MYO1H: variants seen among roughly 807,000 people sequenced by gnomAD.
The protein encoded by MYO1H is unconventional myosin-Ih.
A neutral mutation model predicts 149.3 loss-of-function variants in MYO1H; 118 were observed. That is an observed-to-expected ratio of 0.79 (90% CI 0.68 to 0.92). The LOEUF is 0.92. Ranked by LOEUF, MYO1H falls within the 40% of genes least tolerant of loss-of-function variation. The pLI, the probability that MYO1H is intolerant of heterozygous loss-of-function variation, is 0.00. For synonymous variants in MYO1H, 447 were observed against 465.2 expected (o/e 0.96, Z 0.50); for missense variants, 1,212 against 1,280.7 (o/e 0.95, Z 0.82).
At chr12:109,350,094 A>G (rs1054386891) in intron 1 of MYO1H, among the ~76,000 whole-genome samples, 4 of 152,114 alleles carry the variant, frequency 2.6e-5, no homozygotes, top group Admixed American at 6.5e-5. Flanking sequence ...CTGAAGCACC[A>G]TGAATAACAA....
chr12:109,393,940 C>T (rs1375479913), intron 3 of MYO1H, among the ~76,000 whole-genome samples: 1 of 152,126 alleles, frequency 6.6e-6, no homozygotes, highest in Non-Finnish European at 1.5e-5. Context: ...CTACTGGTGC[C>T]TGAGTGTCAT....
chr12:109,342,319 A>AT, the MYO1H span, among the ~76,000 whole-genome samples: 1 of 151,526 alleles, frequency 6.6e-6, no homozygotes, highest in Non-Finnish European at 1.5e-5. Flanking sequence ...TAATTTTTGT[A>AT]TTTTTAGTAG....
chr12:109,324,964 A>C, the MYO1H span, among the ~76,000 whole-genome samples: 5 of 152,148 alleles, frequency 3.3e-5, no homozygotes, highest in African/African-American at 1.2e-4. Flanking sequence ...GAGTGAGAAC[A>C]AGTGGTGGTT....
chr12:109,324,781 G>T, the MYO1H span, among the ~76,000 whole-genome samples: 1,594 of 151,674 alleles, frequency 0.011, 12 homozygotes, highest in Non-Finnish European at 0.017. Flanking sequence ...GTATACATGT[G>T]CCATGGTGGT....
chr12:109,369,504 C>A (rs1017981435), intron 1 of MYO1H, among the ~76,000 whole-genome samples: 6 of 152,108 alleles, frequency 3.9e-5, no homozygotes, highest in Non-Finnish European at 5.9e-5. Context: ...GCTTTTCAGA[C>A]TGTTTGACGC....
intron 1 of MYO1H, among the ~76,000 whole-genome samples, chr12:109,367,720 T>A (rs1868895807): frequency 6.6e-6 from 1 of 151,058 alleles, no homozygotes; most frequent in African/African-American, 2.4e-5. Flanking sequence ...CCCGGCTAAT[T>A]TTTTTGTATT....
the MYO1H span, among the ~76,000 whole-genome samples, chr12:109,310,729 G>A: frequency 6.6e-6 from 1 of 152,222 alleles, no homozygotes; most frequent in African/African-American, 2.4e-5. Context: ...ACTGGTCCAT[G>A]TCCTCACAAA....
upstream of MYO1H, among the ~76,000 whole-genome samples, chr12:109,347,105 G>A (rs2048105255): frequency 6.6e-6 from 1 of 152,122 alleles, no homozygotes; most frequent in African/African-American, 2.4e-5. Context: ...CATCCAACAG[G>A]GGGTGCTGTT....
chr12:109,372,302 G>A (rs1287313179), intron 1 of MYO1H, among the ~76,000 whole-genome samples: 1 of 151,950 alleles, frequency 6.6e-6, no homozygotes, highest in Non-Finnish European at 1.5e-5. Flanking sequence ...TTGTTTTGGT[G>A]TAAAATATGA....
the MYO1H span, among the ~76,000 whole-genome samples, chr12:109,330,825 TC>T: frequency 2.0e-5 from 3 of 152,084 alleles, no homozygotes; most frequent in African/African-American, 4.8e-5. Context: ...GCCCCTTTTT[TC>T]CCCCAGCTAA....
intron 6 of MYO1H, 89 bp from the exon 7 acceptor site, chr12:109,403,893 G>A (rs1870266905): frequency 4.9e-6 from 4 of 819,894 alleles, no homozygotes; most frequent in African/African-American, 1.7e-5. Flanking sequence ...CATTATATAG[G>A]ACTAGCTTTT....
At chr12:109,403,562 A>G (rs911508784) in intron 6 of MYO1H, among the ~76,000 whole-genome samples, 4 of 152,202 alleles carry the variant, frequency 2.6e-5, no homozygotes, top group Non-Finnish European at 4.4e-5. Flanking sequence ...GGCTTCTTTC[A>G]TCTAGTCCTG....
At chr12:109,435,586 C>T (rs961944752) in intron 21 of MYO1H, among the ~76,000 whole-genome samples, 2 of 152,138 alleles carry the variant, frequency 1.3e-5, no homozygotes, top group Admixed American at 6.5e-5. Flanking sequence ...GAAATGTAAC[C>T]GGTCTGTCAA....
chr12:109,402,783 A>G (rs919892234), intron 6 of MYO1H, among the ~76,000 whole-genome samples: 2 of 152,208 alleles, frequency 1.3e-5, no homozygotes, highest in East Asian at 1.9e-4. Flanking sequence ...TGGTCGCATC[A>G]TGATTGTATT....
In MYO1H at chr12:109,440,771, G is replaced by A. The variant is rs372084184; in HGVS notation, c.2482G>A (p.Val828Met). ...ATCAGATCTGCTCAGGAAAATGTGC[G>A]TGAGGAACCTGGTGCAGAAGTACTG... The change falls in exon 25 of 32, where the codon GTG becomes ATG. Residue 828 changes from valine to methionine, a missense_variant. Coordinates refer to ENST00000310903, the Ensembl canonical transcript of MYO1H. 7.2e-5 allele frequency: 113 copies of A among 1,564,244 alleles called. 2 individuals carry two copies. The Middle Eastern group carries it at 1.2e-3, about 16-fold the overall frequency.
intron 2 of MYO1H, among the ~76,000 whole-genome samples, chr12:109,392,569 A>G (rs989892080): frequency 6.6e-6 from 1 of 151,926 alleles, no homozygotes; most frequent in Admixed American, 6.5e-5. Flanking sequence ...CTAAAAATAC[A>G]AAATTAGCTG....
At chr12:109,399,462 C>T (rs1870063256) in intron 5 of MYO1H, among the ~76,000 whole-genome samples, 1 of 151,704 alleles carries the variant, frequency 6.6e-6, no homozygotes, top group South Asian at 2.1e-4. Context: ...TGTGGTGGCG[C>T]ACACCTGTAG....
intron 2 of MYO1H, among the ~76,000 whole-genome samples, chr12:109,392,728 A>G (rs1482239750): frequency 6.6e-6 from 1 of 151,794 alleles, no homozygotes; most frequent in Non-Finnish European, 1.5e-5. Flanking sequence ...AAAAAAGAAG[A>G]CGACTTCCCC....
At chr12:109,340,981 G>T in the MYO1H span, among the ~76,000 whole-genome samples, 3 of 152,114 alleles carry the variant, frequency 2.0e-5, no homozygotes, top group East Asian at 5.8e-4. Context: ...GAGGTCAGGA[G>T]TTCGAGACCA....
Sources: allele counts gnomAD v4.1 joint callset (sites outside exome capture counted in the v4.1 genomes callset), GRCh38; gene constraint gnomAD v4.1.1; transcripts MANE v1.5; gene names NCBI Gene and HGNC (gene_info 2026-07-23, HGNC 2026-07-21).